ENTPD3: variants seen among roughly 807,000 people sequenced by gnomAD.
ENTPD3 encodes the protein CD39 antigen-like 3.
ENTPD3 carries 60 observed loss-of-function variants against 51.2 expected under a neutral mutation model. The ratio of observed to expected loss-of-function variants is 1.17; its 90% CI spans 0.95 to 1.45. The LOEUF (loss-of-function observed/expected upper bound fraction) is 1.45, where lower values mean the gene tolerates loss of function less well. Ranked by LOEUF, ENTPD3 falls within the 40% of genes most tolerant of loss-of-function variation. ENTPD3 has a pLI of 0.00. For missense variants in ENTPD3, 593 were observed against 641.1 expected, an observed-to-expected ratio of 0.93 and a Z score of 0.81; for synonymous variants, 221 against 238.4, an observed-to-expected ratio of 0.93 and a Z score of 0.67.
At chr3:40,417,576 A>G (rs1955775489) in intron 7 of ENTPD3, among the ~76,000 whole-genome samples, 1 of 152,038 alleles carries the variant, frequency 6.6e-6, no homozygotes, top group South Asian at 2.1e-4. Context: ...ACAATTTTAC[A>G]TGAGACAAAG....
intron 4 of ENTPD3, among the ~76,000 whole-genome samples, chr3:40,402,477 C>T (rs1435719027): frequency 6.6e-6 from 1 of 151,980 alleles, no homozygotes; most frequent in Non-Finnish European, 1.5e-5. Flanking sequence ...AACTTAATAT[C>T]TTTCCATATA....
intron 3 of ENTPD3, among the ~76,000 whole-genome samples, chr3:40,396,205 C>T (rs920640057): frequency 6.6e-6 from 1 of 152,176 alleles, no homozygotes; most frequent in Non-Finnish European, 1.5e-5. Context: ...TGAGAAAAGA[C>T]AGATGTTCTG....
At chr3:40,392,371 A>G (rs1256546728) in intron 3 of ENTPD3, 15 of 547,548 alleles carry the variant, frequency 2.7e-5, no homozygotes, top group Non-Finnish European at 1.9e-5. Context: ...ACCTTCTCCA[A>G]GGACTGTGTA....
intron 4 of ENTPD3, among the ~76,000 whole-genome samples, chr3:40,406,473 G>T (rs1227548119): frequency 6.6e-6 from 1 of 152,196 alleles, no homozygotes; most frequent in Non-Finnish European, 1.5e-5. Context: ...GAACTAATAC[G>T]ATATGACTTC....
intron 2 of ENTPD3, 104 bp downstream of exon 2, chr3:40,388,201 TA>T (rs1954980713): frequency 9.2e-7 from 1 of 1,091,368 alleles, no homozygotes; most frequent in Admixed American, 1.7e-5. Context: ...AATGATTGTT[TA>T]ACTTTATTGG....
intron 3 of ENTPD3, chr3:40,399,696 A>G (rs1955296609): frequency 6.6e-6 from 1 of 152,154 alleles, no homozygotes; most frequent in Admixed American, 6.5e-5. Context: ...CTACTAATAC[A>G]TGCTCTTTCC....
intron 7 of ENTPD3, among the ~76,000 whole-genome samples, chr3:40,416,460 A>AT (rs1237192418): frequency 5.3e-5 from 8 of 152,198 alleles, no homozygotes. Context: ...CACAAGAGAA[A>AT]TGTGTGCTGA....
intron 4 of ENTPD3, among the ~76,000 whole-genome samples, chr3:40,407,566 C>T (rs905431919): frequency 3.0e-4 from 46 of 152,004 alleles, no homozygotes; most frequent in Middle Eastern, 3.4e-3. Context: ...GTCGGGAGTT[C>T]GGGGGAGGGG....
chr3:40,425,523 A>G (rs556177289), intron 10 of ENTPD3, among the ~76,000 whole-genome samples: 1 of 152,280 alleles, frequency 6.6e-6, no homozygotes, highest in African/African-American at 2.4e-5. Flanking sequence ...GGTGGAAGTA[A>G]TAAAATAAGA....
At chr3:40,410,965 G>T (rs1955613891) in intron 4 of ENTPD3, among the ~76,000 whole-genome samples, 1 of 152,114 alleles carries the variant, frequency 6.6e-6, no homozygotes, top group African/African-American at 2.4e-5. Flanking sequence ...GAGGCAATGG[G>T]AACCATGACT....
chr3:40,419,645 T>C (rs2125608606), intron 7 of ENTPD3, among the ~76,000 whole-genome samples: 1 of 152,356 alleles, frequency 6.6e-6, no homozygotes, highest in South Asian at 2.1e-4. Context: ...TTATACAATG[T>C]ATTTCCATTT....
intron 6 of ENTPD3, 46 bp downstream of exon 6, chr3:40,414,886 A>G (rs754704592): frequency 1.3e-6 from 2 of 1,599,736 alleles, no homozygotes; most frequent in Admixed American, 1.7e-5. Context: ...TGTTTATCCT[A>G]TCCCCTGTGA....
chr3:40,395,304 G>GA (rs1955171646), intron 3 of ENTPD3, among the ~76,000 whole-genome samples: 1 of 152,226 alleles, frequency 6.6e-6, no homozygotes, highest in South Asian at 2.1e-4. Flanking sequence ...AGACATGGAG[G>GA]AATCAGATGG....
At chr3:40,403,504 A>G (rs1955418980) in intron 4 of ENTPD3, among the ~76,000 whole-genome samples, 1 of 152,138 alleles carries the variant, frequency 6.6e-6, no homozygotes, top group Admixed American at 6.5e-5. Flanking sequence ...GCCACCCTGG[A>G]AAGAGCAAGA....
intron 3 of ENTPD3, among the ~76,000 whole-genome samples, chr3:40,393,211 C>G (rs1955106165): frequency 6.6e-6 from 1 of 152,076 alleles, no homozygotes; most frequent in Non-Finnish European, 1.5e-5. Context: ...GGGTAGGGGT[C>G]AGCAAACATT....
chr3:40,401,095 A>G, intron 4 of ENTPD3, 84 bp downstream of exon 4: 1 of 993,324 alleles, frequency 1.0e-6, no homozygotes, highest in Non-Finnish European at 1.6e-6. Flanking sequence ...AGGTCCTGAG[A>G]TGTTGCTTGG....
chr3:40,418,862 G>T (rs550361777), intron 7 of ENTPD3, among the ~76,000 whole-genome samples: 1 of 151,666 alleles, frequency 6.6e-6, no homozygotes, highest in Admixed American at 6.6e-5. Flanking sequence ...TTTAAAATAC[G>T]ATTTTTTATG....
rs1374770250 is a variant in ENTPD3, at chr3:40,428,391, T to C, written c.*883T>C. 1 of 152,210 alleles carries C rather than the reference T, an allele frequency of 6.6e-6. No homozygotes were observed. The highest frequency in any genetic ancestry group is 1.5e-5 in the Non-Finnish European group (1 of 68,040). 9.4% of individuals were successfully genotyped at this position (152,210 alleles called of 1,614,324 possible). A position where few individuals can be genotyped will look rare whatever the true frequency, so the allele number is the denominator to read the frequency against. On this transcript the variant is annotated 3_prime_UTR_variant, in exon 11 of 11. Transcript: ENST00000301825. ...TGATGTTGTCATAGAACGAACATCC[T>C]ACTCTATGATTTACTAACCAATTAC...
chr3:40,401,112 G>T (rs1955345140), intron 4 of ENTPD3, 101 bp downstream of exon 4: 1 of 851,336 alleles, frequency 1.2e-6, no homozygotes, highest in South Asian at 1.5e-5. Context: ...TTGGAGGCAG[G>T]GAATGAGCAT....
Sources: allele counts gnomAD v4.1 joint callset (sites outside exome capture counted in the v4.1 genomes callset), GRCh38; gene constraint gnomAD v4.1.1; transcripts MANE v1.5; gene names NCBI Gene and HGNC (gene_info 2026-07-23, HGNC 2026-07-21).